TLL2: variants seen among roughly 807,000 people sequenced by gnomAD.
The protein encoded by TLL2 is tolloid like 2.
A neutral mutation model predicts 123.0 loss-of-function variants in TLL2; 106 were observed. That is an observed-to-expected ratio of 0.86 (90% confidence interval 0.74 to 1.01). TLL2 has a LOEUF of 1.01. Ranked by LOEUF, TLL2 falls within the 50% of genes least tolerant of loss-of-function variation. The pLI is 0.00. For missense variants in TLL2, 1,332 were observed against 1,336.7 expected (o/e 1.00, Z 0.06); for synonymous variants, 494 against 516.8 (o/e 0.96, Z 0.60).
rs1344737567 is a variant in TLL2 at position 96,395,991 on chromosome 10, C to T, written c.1414G>A (p.Ala472Thr). 1.2e-6 allele frequency: 2 copies of T among 1,614,142 alleles called. No homozygotes were observed. The highest frequency in any genetic ancestry group is 1.7e-6 in the Non-Finnish European group (2 of 1,180,026). ...ATCGGDMNKD[A>T]GQIQSPNYPD... ...TAGTTGGGAGATTGAATCTGACCGG[C>T]ATCTTTGTTCATGTCTCCCCCGCAG... Residue 472 changes from alanine (A) to threonine (T), a missense_variant, in exon 12 of 21, where the codon GCC (alanine) becomes ACC (threonine). Physicochemically the swap from Ala to Thr is moderately conservative, Grantham distance 58. Coordinates refer to ENST00000357947, the MANE Select transcript of TLL2 (RefSeq NM_012465.4).
chr10:96,447,971 C>T (rs1846915387), intron 2 of TLL2, among the ~76,000 whole-genome samples: 1 of 152,152 alleles, frequency 6.6e-6, no homozygotes, highest in African/African-American at 2.4e-5. Flanking sequence ...AACCAAGGCT[C>T]ACATGGCACC....
intron 1 of TLL2, among the ~76,000 whole-genome samples, chr10:96,487,564 T>C (rs1564917467): frequency 6.6e-6 from 1 of 151,942 alleles, no homozygotes; most frequent in Non-Finnish European, 1.5e-5. Context: ...GGGGTTGAAG[T>C]AGGTGGAGTT....
At chr10:96,450,158 C>CCTGG (rs59373048) in intron 2 of TLL2, among the ~76,000 whole-genome samples, 3,604 of 150,760 alleles carry the variant, frequency 0.024, 72 homozygotes, top group South Asian at 0.11. Context: ...TGAATGAATG[C>CCTGG]ATGGATGGAT....
intron 16 of TLL2, among the ~76,000 whole-genome samples, chr10:96,383,956 C>T (rs940709970): frequency 6.6e-6 from 1 of 152,082 alleles, no homozygotes; most frequent in Non-Finnish European, 1.5e-5. Flanking sequence ...TTATCAATTA[C>T]TCAGTCTCAG....
At chr10:96,371,705 C>T (rs1846086593) in intron 19 of TLL2, among the ~76,000 whole-genome samples, 1 of 152,204 alleles carries the variant, frequency 6.6e-6, no homozygotes, top group Non-Finnish European at 1.5e-5. Flanking sequence ...ACGCCCCCAC[C>T]CTCCCCACCT....
chr10:96,470,339 T>C (rs951036726), intron 2 of TLL2, among the ~76,000 whole-genome samples: 1 of 152,248 alleles, frequency 6.6e-6, no homozygotes, highest in African/African-American at 2.4e-5. Context: ...GGCAAGGCCA[T>C]CAGGCAGTCT....
At chr10:96,490,118 G>T (rs746251585) in intron 1 of TLL2, among the ~76,000 whole-genome samples, 2 of 151,598 alleles carry the variant, frequency 1.3e-5, no homozygotes, top group Non-Finnish European at 2.9e-5. Context: ...AAAACAATTG[G>T]AAAAAAATTA....
chr10:96,453,280 AC>A (rs1846979852), intron 2 of TLL2, among the ~76,000 whole-genome samples: 1 of 152,004 alleles, frequency 6.6e-6, no homozygotes, highest in African/African-American at 2.4e-5. Context: ...ACATGGCGAA[AC>A]CCCGTCTCTA....
At chr10:96,469,820 G>A (rs11188777) in intron 2 of TLL2, among the ~76,000 whole-genome samples, 29,017 of 152,252 alleles carry the variant, frequency 0.19, 2,911 homozygotes, top group South Asian at 0.34. Context: ...CATAAGGAAG[G>A]AGAGATAGAG....
chr10:96,432,902 G>C lies in TLL2; in HGVS notation c.425C>G (p.Thr142Ser). The change falls in exon 4 of 21, where the codon ACC becomes AGC. Residue 142 changes from threonine to serine, a missense_variant. Physicochemically the swap from Thr to Ser is moderately conservative, Grantham distance 58. Transcript: ENST00000357947. ...SPGTLHAAAKTFSPRVRRATT... is the reference protein window; with the variant it reads ...SPGTLHAAAKSFSPRVRRATT... ...GGCTCTTCGGACCCGGGGAGAGAAG[G>C]TCTTGGCTGCGGCATGCAAGGTCCC... The C allele has an allele frequency of 6.8e-6, 11 of 1,614,114 alleles. No individual in the cohort carries two copies. The highest frequency in any genetic ancestry group is 3.3e-4 in the Middle Eastern group (2 of 6,062).
At chr10:96,426,417 C>G (rs1378390670) in intron 5 of TLL2, among the ~76,000 whole-genome samples, 1 of 152,246 alleles carries the variant, frequency 6.6e-6, no homozygotes, top group African/African-American at 2.4e-5. Flanking sequence ...AATGCCATAA[C>G]AGTTCCTCAA....
intron 2 of TLL2, among the ~76,000 whole-genome samples, chr10:96,472,482 C>T (rs1281804682): frequency 1.3e-5 from 2 of 152,210 alleles, no homozygotes; most frequent in Non-Finnish European, 2.9e-5. Context: ...CAAAGTTGGG[C>T]TGAGTGCAGT....
chr10:96,395,473 A>G (rs1320829097), intron 12 of TLL2, 91 bp from the exon 13 acceptor site: 9 of 1,365,188 alleles, frequency 6.6e-6, no homozygotes, highest in Non-Finnish European at 7.8e-6. Context: ...CACTCTCAAA[A>G]TCTAACCAAG....
At chr10:96,465,152 T>C (rs1186007022) in intron 2 of TLL2, among the ~76,000 whole-genome samples, 1 of 152,174 alleles carries the variant, frequency 6.6e-6, no homozygotes, top group Non-Finnish European at 1.5e-5. Flanking sequence ...CCCCTGTCCT[T>C]GACCTTTGCG....
rs895359475 is a variant in TLL2, at chr10:96,366,846, T to C, written c.*1242A>G. 6.5e-6 allele frequency: 1 copy of C among 152,672 alleles called. No individual in the cohort carries two copies. Among genetic ancestry groups the C allele is most frequent in the Admixed American group, 6.5e-5 (1 of 15,288 alleles). 9.5% of individuals were successfully genotyped at this position (152,672 alleles called of 1,614,324 possible). A position where few individuals can be genotyped will look rare whatever the true frequency, so the allele number is the denominator to read the frequency against. ...CACAGCTTTTAGCTCATAATGCCCA[T>C]AGATGCCTTAATGAAATGCCATTCA... On this transcript the variant is annotated 3_prime_UTR_variant, in exon 21 of 21. Coordinates refer to ENST00000357947, the MANE Select transcript of TLL2 (RefSeq NM_012465.4).
chr10:96,476,987 CAG>C (rs921940030), intron 2 of TLL2, among the ~76,000 whole-genome samples: 8 of 145,648 alleles, frequency 5.5e-5, no homozygotes, highest in Non-Finnish European at 6.0e-5. Flanking sequence ...GCTGGGATAA[CAG>C]GGGATTTTCA....
chr10:96,473,384 T>A (rs1847203793), intron 2 of TLL2, among the ~76,000 whole-genome samples: 2 of 151,886 alleles, frequency 1.3e-5, no homozygotes, highest in South Asian at 4.2e-4. Flanking sequence ...GAACCAGAGA[T>A]CATGCCACTG....
At chr10:96,400,216 T>C (rs1008662067) in intron 10 of TLL2, among the ~76,000 whole-genome samples, 1 of 152,168 alleles carries the variant, frequency 6.6e-6, no homozygotes, top group Non-Finnish European at 1.5e-5. Flanking sequence ...GGTACTATTA[T>C]TAATCCCACT....
chr10:96,472,308 C>A (rs1377743250), intron 2 of TLL2, among the ~76,000 whole-genome samples: 3 of 152,178 alleles, frequency 2.0e-5, no homozygotes, highest in Non-Finnish European at 2.9e-5. Flanking sequence ...GGGAGCCCCC[C>A]ACTGACCCAT....
Sources: gnomAD v4.1 joint callset for allele counts (sites outside exome capture counted in the v4.1 genomes callset) on GRCh38, gnomAD v4.1.1 for gene constraint, MANE v1.5 for transcripts, NCBI Gene and HGNC (gene_info 2026-07-23, HGNC 2026-07-21) for gene names.